The following KSR1 variants were observed in gnomAD, a reference collection of about 807,000 sequenced individuals.
The protein encoded by KSR1 is kinase suppressor of ras 1, also known as kinase suppressor of ras.
A neutral mutation model predicts 92.9 loss-of-function variants in KSR1; 35 were observed. That is an observed-to-expected ratio of 0.38 (90% CI 0.29 to 0.50). KSR1 has a LOEUF of 0.50. KSR1 is among the 20% of genes least tolerant of loss of function. The probability of loss-of-function intolerance (pLI) is 0.94; values close to 1 mark genes in which losing one functional copy is unlikely to be tolerated. For synonymous variants in KSR1, 467 were observed against 472.6 expected (o/e 0.99, Z 0.15); for missense variants, 972 against 1,158.5 (o/e 0.84, Z 2.34).
At chr17:27,561,798 A>G (rs181969252) in intron 2 of KSR1, among the ~76,000 whole-genome samples, 72 of 152,316 alleles carry the variant, frequency 4.7e-4, no homozygotes, top group Non-Finnish European at 2.8e-4. Flanking sequence ...CTGAAAAATC[A>G]TGAGCATGAA....
intron 19 of KSR1, among the ~76,000 whole-genome samples, chr17:27,620,238 G>C (rs2074186984): frequency 6.6e-6 from 1 of 152,208 alleles, no homozygotes; most frequent in Non-Finnish European, 1.5e-5. Flanking sequence ...TACAACTGTG[G>C]GGTAATGGAT....
chr17:27,478,743 G>T (rs909261579), intron 1 of KSR1, among the ~76,000 whole-genome samples: 1 of 152,124 alleles, frequency 6.6e-6, no homozygotes, highest in African/African-American at 2.4e-5. Flanking sequence ...GATAAATTGG[G>T]AAGTGGGGAA....
intron 1 of KSR1, among the ~76,000 whole-genome samples, chr17:27,539,731 A>C (rs1020216530): frequency 2.0e-5 from 3 of 152,194 alleles, no homozygotes; most frequent in African/African-American, 7.2e-5. Flanking sequence ...CACAGCCCCT[A>C]AGGACTGCTG....
At chr17:27,622,167 C>G (rs544316138) in intron 20 of KSR1, 58 of 577,970 alleles carry the variant, frequency 1.0e-4, no homozygotes, top group Middle Eastern at 6.7e-4. Context: ...GAGGATCCCA[C>G]TAACTGAGCT....
At chr17:27,491,485 T>G (rs1291812074) in intron 1 of KSR1, among the ~76,000 whole-genome samples, 4 of 152,056 alleles carry the variant, frequency 2.6e-5, no homozygotes, top group Non-Finnish European at 5.9e-5. Context: ...CCACTGTGCC[T>G]GGCCACAAAA....
chr17:27,606,504 T>C (rs1241333140), intron 14 of KSR1, among the ~76,000 whole-genome samples: 1 of 152,178 alleles, frequency 6.6e-6, no homozygotes, highest in African/African-American at 2.4e-5. Context: ...CTGCACCCGA[T>C]TGTGGGTCTG....
At chr17:27,528,987 T>C (rs2070428100) in intron 1 of KSR1, among the ~76,000 whole-genome samples, 1 of 152,298 alleles carries the variant, frequency 6.6e-6, no homozygotes, top group South Asian at 2.1e-4. Context: ...AAAAACTCCA[T>C]TTATTATTCT....
intron 1 of KSR1, among the ~76,000 whole-genome samples, chr17:27,519,614 C>T (rs1284593130): frequency 2.6e-5 from 4 of 152,212 alleles, no homozygotes; most frequent in Admixed American, 2.6e-4. Flanking sequence ...GTTCTCTGCA[C>T]AGCCCAGCCT....
chr17:27,581,730 G>A (rs1038652746), intron 3 of KSR1, among the ~76,000 whole-genome samples: 5 of 152,052 alleles, frequency 3.3e-5, no homozygotes, highest in African/African-American at 4.8e-5. Flanking sequence ...ATGCCCATTC[G>A]ACTCTACAAG....
rs139944400 is a variant in KSR1 at position 27,541,152 on chromosome 17, C to T, written c.232-9416C>T. On this transcript the variant is annotated intron_variant, in intron 1 of 20. Coordinates refer to ENST00000644974, the MANE Select transcript of KSR1 (RefSeq NM_001394583.1). ...GGAGCAAAGACTGCTGTGGGCACCA[C>T]GTAAGAGTCTGGTGCTGCCTACTGA... Among the ~76,000 whole-genome samples the T allele has an allele frequency of 9.9e-5, 15 of 152,282 alleles. No homozygotes were observed. The South Asian group carries it at 1.0e-3, about 11-fold the overall frequency.
Position 27,605,721 on chromosome 17 carries a change from A to G in KSR1, c.1902A>G (p.Lys634=). Residue 634 remains lysine, a synonymous_variant, in exon 14 of 21, where the codon AAA becomes AAG. Transcript: ENST00000644974. ...AGGACCACCTGAAGCTCTTCAAGAAAGAGGTGATGAACTACCGGCAGACGC... is the reference window on the plus strand; with the variant it reads ...AGGACCACCTGAAGCTCTTCAAGAAGGAGGTGATGAACTACCGGCAGACGC... The part of the protein sequence containing the change: ...HNQDHLKLFK[K]EVMNYRQTRH... 1.2e-6 allele frequency: 2 copies of G among 1,612,958 alleles called. No individual in the cohort carries two copies. Among genetic ancestry groups the G allele is most frequent in the Non-Finnish European group, 1.7e-6 (2 of 1,179,866 alleles).
intron 1 of KSR1, among the ~76,000 whole-genome samples, chr17:27,509,276 T>G (rs1259782345): frequency 6.6e-6 from 1 of 151,970 alleles, no homozygotes; most frequent in Non-Finnish European, 1.5e-5. Context: ...TTTGGGAGGC[T>G]GAGTCAGGAG....
At position 27,588,530 on chromosome 17, in the gene KSR1, G is replaced by A. The variant is rs771661198; in HGVS notation, c.1041G>A (p.Thr347=). 16 of 1,590,356 alleles carry A rather than the reference G, an allele frequency of 1.0e-5. No homozygotes were observed. The highest frequency in any genetic ancestry group is 1.7e-4 in the Middle Eastern group (1 of 6,058). ...MVRRDIGLSV[T]HRFSTKSWLS... is the part of the protein sequence containing the mutation. The stretch of plus-strand genomic sequence containing the variant: ...GGAGGGATATCGGGCTGTCGGTGAC[G>A]CACAGGTAGGCACAGCGGGCCTGGA... Residue 347 remains threonine (T), a synonymous_variant, in exon 6 of 21, where the codon ACG becomes ACA. Transcript: ENST00000644974.
chr17:27,521,317 G>A (rs1189575685), intron 1 of KSR1, among the ~76,000 whole-genome samples: 3 of 150,712 alleles, frequency 2.0e-5, no homozygotes, highest in African/African-American at 7.3e-5. Context: ...AGGACAGTGA[G>A]TTGACAAAGG....
At chr17:27,501,847 C>T (rs537675553) in intron 1 of KSR1, among the ~76,000 whole-genome samples, 23 of 152,362 alleles carry the variant, frequency 1.5e-4, no homozygotes, top group African/African-American at 5.3e-4. Context: ...CTGCTAAATA[C>T]TTTCCATACA....
chr17:27,505,506 G>A (rs770795046), intron 1 of KSR1, among the ~76,000 whole-genome samples: 4 of 152,328 alleles, frequency 2.6e-5, no homozygotes, highest in Admixed American at 1.3e-4. Context: ...GAGGCAATAC[G>A]GCAAACAGCC....
chr17:27,496,608 G>A lies in KSR1; in HGVS notation c.231+39734G>A, dbSNP rs192701403. 1.5e-3 allele frequency among the ~76,000 whole-genome samples: 230 copies of A among 152,272 alleles called. 2 individuals are homozygous for A. Among genetic ancestry groups the A allele is most frequent in the African/African-American group, 5.0e-3 (207 of 41,564 alleles). Reference sequence around the variant, plus strand: ...TGCCCCAGAGCGAGAATCTGAGAACGCAGGAATTGGGTTGGGACTGTGGGA... The same window carrying A: ...TGCCCCAGAGCGAGAATCTGAGAACACAGGAATTGGGTTGGGACTGTGGGA... On this transcript the variant is annotated intron_variant, in intron 1 of 20. Coordinates refer to ENST00000644974, the MANE Select transcript of KSR1 (RefSeq NM_001394583.1).
intron 1 of KSR1, among the ~76,000 whole-genome samples, chr17:27,489,796 A>T (rs761291451): frequency 3.3e-5 from 5 of 152,166 alleles, no homozygotes; most frequent in Non-Finnish European, 7.3e-5. Flanking sequence ...GGAGGTCATG[A>T]AGAATCCACA....
chr17:27,604,944 T>C (rs917033387), intron 13 of KSR1, among the ~76,000 whole-genome samples: 1 of 152,206 alleles, frequency 6.6e-6, no homozygotes, highest in Non-Finnish European at 1.5e-5. Context: ...CCCAGGTGAT[T>C]GTAGCCAGGG....
Sources: allele counts gnomAD v4.1 joint callset (sites outside exome capture counted in the v4.1 genomes callset), GRCh38; gene constraint gnomAD v4.1.1; transcripts MANE v1.5; gene names NCBI Gene and HGNC (gene_info 2026-07-23, HGNC 2026-07-21).